Variants in TADA3 observed in about 807,000 individuals in gnomAD.
TADA3 encodes transcriptional adapter 3.
TADA3 carries 25 observed loss-of-function variants against 43.2 expected under a neutral mutation model. That is an observed-to-expected ratio of 0.58 (90% confidence interval 0.42 to 0.81). The LOEUF (loss-of-function observed/expected upper bound fraction) is 0.81, where lower values mean the gene tolerates loss of function less well. TADA3 is among the 30% of genes least tolerant of loss of function. The pLI, the probability that TADA3 is intolerant of heterozygous loss-of-function variation, is 0.00. For missense variants in TADA3, 441 were observed against 567.8 expected (o/e 0.78, Z 2.27); for synonymous variants, 235 against 225.5 (o/e 1.04, Z -0.38).
At chr3:9,781,282 A>AATAT (rs145898207) in intron 8 of TADA3, among the ~76,000 whole-genome samples, 1 of 150,798 alleles carries the variant, frequency 6.6e-6, no homozygotes, top group Non-Finnish European at 1.5e-5. Flanking sequence ...CTGTCTCTAA[A>AATAT]ATATATATAT....
rs111816913 is a variant in TADA3, at chr3:9,787,720, T to C, written c.565-380A>G. ...AATTTACTGCTGTCTGTATGAACTC[T>C]TTTTCAGATAAATTTTTAAGAAATC... On this transcript the variant is annotated intron_variant, in intron 4 of 8. Coordinates refer to ENST00000301964, the MANE Select transcript of TADA3 (RefSeq NM_006354.5). 12 of 1,303,076 alleles carry C rather than the reference T, an allele frequency of 9.2e-6. No individual in the cohort carries two copies. In the African/African-American group the frequency reaches 1.5e-4, roughly 16 times the overall value. 80.7% of individuals were successfully genotyped at this position (1,303,076 alleles called of 1,614,324 possible). A position where few individuals can be genotyped will look rare whatever the true frequency, so the allele number is the denominator to read the frequency against.
Position 9,780,224 on chromosome 3 carries a change from G to T in TADA3, c.*133C>A. The T allele has an allele frequency of 1.1e-6, 1 of 937,534 alleles. No homozygotes were observed. The highest frequency in any genetic ancestry group is 1.6e-6 in the Non-Finnish European group (1 of 637,932). 58.1% of individuals were successfully genotyped at this position (937,534 alleles called of 1,614,324 possible). On this transcript the variant is annotated 3_prime_UTR_variant, in exon 9 of 9. Transcript: ENST00000301964. ...GCTAGGCCAAAAGACCTCAGGGGAA[G>T]GGCCACGGCCCTCTAGAGACTGCCG... is the stretch of plus-strand genomic sequence containing the variant.
At chr3:9,792,547 G>A (rs1000833333), upstream of TADA3, 2 of 1,227,202 alleles carry the variant, frequency 1.6e-6, no homozygotes, top group Non-Finnish European at 2.0e-6. Flanking sequence ...GAGTTTGCCG[G>A]GGGTGGGAAG....
At chr3:9,792,111 T>A (rs2078751127) in intron 1 of TADA3, 105 bp downstream of exon 1, 1 of 152,336 alleles carries the variant, frequency 6.6e-6, no homozygotes, top group African/African-American at 2.4e-5. Flanking sequence ...TTTGACCTTT[T>A]TCAGTCTCAG....
In TADA3 at chr3:9,787,105, C is replaced by T; in HGVS notation, c.711G>A (p.Val237=). 5.6e-6 allele frequency: 9 copies of T among 1,614,216 alleles called. No individual in the cohort carries two copies. Among genetic ancestry groups the T allele is most frequent in the Non-Finnish European group, 7.6e-6 (9 of 1,180,036 alleles). ...GPLTELDTKD[V]DALLKKSEAQ... is the part of the protein sequence containing the mutation. ...CCTCAGACTTCTTCAGCAGGGCATC[C>T]ACATCTAAGCGGGCACAGGAAAGGA... The change falls in exon 6 of 9, where the codon GTG becomes GTA. Residue 237 remains valine (V), a synonymous_variant. Coordinates refer to ENST00000301964, the MANE Select transcript of TADA3 (RefSeq NM_006354.5).
chr3:9,782,944 C>T (rs1251116400), intron 8 of TADA3, among the ~76,000 whole-genome samples: 5 of 152,202 alleles, frequency 3.3e-5, no homozygotes, highest in Non-Finnish European at 7.3e-5. Context: ...CCACAGTCTT[C>T]CTCAAGATGT....
In TADA3 at chr3:9,780,006, T is replaced by G; in HGVS notation, c.*351A>C. The G allele has an allele frequency of 5.1e-6, 1 of 195,308 alleles. No individual in the cohort carries two copies. Among genetic ancestry groups the G allele is most frequent in the Non-Finnish European group, 1.0e-5 (1 of 96,650 alleles). The allele number at this position is 195,308 out of a possible 1,614,324, so 12.1% of individuals were successfully genotyped here. ...CACAGCAGTCACTTTATTCTTAAGT[T>G]TGCACTTTACAAAACCACAAGGGAG... On this transcript the variant is annotated 3_prime_UTR_variant, in exon 9 of 9. Transcript: ENST00000301964.
chr3:9,789,883 G>C lies in TADA3; in HGVS notation c.288C>G (p.Pro96=), dbSNP rs775072173. 13 of 1,614,152 alleles carry C rather than the reference G, an allele frequency of 8.1e-6. No homozygotes were observed. The highest frequency in any genetic ancestry group is 6.7e-5 in the Admixed American group (4 of 60,018). The change falls in exon 3 of 9, where the codon CCC becomes CCG. Residue 96 remains proline, a synonymous_variant. Transcript: ENST00000301964. ...TCTGCTTCTTGGGCTTCCCATGTTTGGGGGGAGCTCCAAGTTCATGGTCTC... is the reference window on the plus strand; with the variant it reads ...TCTGCTTCTTGGGCTTCCCATGTTTCGGGGGAGCTCCAAGTTCATGGTCTC... ...LGRDHELGAP[P]KHGKPKKQKL... is the part of the protein sequence containing the mutation.
intron 2 of TADA3, among the ~76,000 whole-genome samples, chr3:9,790,269 T>C (rs781229601): frequency 1.3e-4 from 20 of 152,244 alleles, no homozygotes; most frequent in Non-Finnish European, 2.9e-4. Context: ...AAACCTTCAC[T>C]TCGATGTCAC....
At chr3:9,792,909 C>T (rs1264598427), upstream of TADA3, 9 of 1,398,812 alleles carry the variant, frequency 6.4e-6, no homozygotes, top group African/African-American at 6.0e-5. Flanking sequence ...AATAGTGACT[C>T]GAGTGCAAGA....
At chr3:9,788,981 G>T (rs563431711) in intron 4 of TADA3, among the ~76,000 whole-genome samples, 1 of 151,988 alleles carries the variant, frequency 6.6e-6, no homozygotes, top group African/African-American at 2.4e-5. Context: ...GACTACAGGC[G>T]CACACCGCCA....
In TADA3 at chr3:9,780,288, C is replaced by T; in HGVS notation, c.*69G>A. On this transcript the variant is annotated 3_prime_UTR_variant, in exon 9 of 9. Transcript: ENST00000301964. ...AGCCACAGGCCAATGTTTCCTGTGC[C>T]CAAAGAAGGAAGTGGGCCTCCCTTC... 3.3e-6 allele frequency: 5 copies of T among 1,502,468 alleles called. No individual in the cohort carries two copies. The highest frequency in any genetic ancestry group is 4.5e-6 in the Non-Finnish European group (5 of 1,111,842). The allele number at this position is 1,502,468 out of a possible 1,614,324, so 93.1% of individuals were successfully genotyped here.
chr3:9,785,660 CAAT>C (rs1410547869), intron 6 of TADA3, among the ~76,000 whole-genome samples: 3 of 152,210 alleles, frequency 2.0e-5, no homozygotes, highest in East Asian at 3.9e-4. Context: ...GATTAACACT[CAAT>C]GATGGTAATG....
chr3:9,785,238 G>A (rs1224151678), intron 7 of TADA3, 78 bp downstream of exon 7: 4 of 1,170,868 alleles, frequency 3.4e-6, no homozygotes, highest in South Asian at 1.3e-5. Context: ...TACTGATGAG[G>A]ACTTCCCCAG....
At chr3:9,783,246 A>G (rs559048226) in intron 8 of TADA3, 1 of 152,364 alleles carries the variant, frequency 6.6e-6, no homozygotes, top group South Asian at 2.1e-4. Flanking sequence ...GACAAAAAAT[A>G]AATCACACAA....
intron 8 of TADA3, among the ~76,000 whole-genome samples, chr3:9,782,236 T>G (rs1034125782): frequency 6.6e-6 from 1 of 152,216 alleles, no homozygotes; most frequent in African/African-American, 2.4e-5. Context: ...TGTTTTCTTC[T>G]TCTCACCTTT....
chr3:9,787,031 T>C lies in TADA3; in HGVS notation c.785A>G (p.Gln262Arg), dbSNP rs746448466. ...EDGCPFGALTQRLLQALVEEN... is the reference protein window; with the variant it reads ...EDGCPFGALTRRLLQALVEEN... The stretch of plus-strand genomic sequence containing the variant: ...CTCCACCAGGGCCTGCAGGAGGCGC[T>C]GCGTCAGGGCACCAAAGGGGCATCC... The change falls in exon 6 of 9, where the codon CAG becomes CGG. Residue 262 changes from glutamine (Q) to arginine (R), a missense_variant. Physicochemically the swap from Gln to Arg is conservative, Grantham distance 43 (BLOSUM62 1). Coordinates refer to ENST00000301964, the MANE Select transcript of TADA3 (RefSeq NM_006354.5). 2 of 1,614,204 alleles carry C rather than the reference T, an allele frequency of 1.2e-6. No homozygotes were observed. The highest frequency in any genetic ancestry group is 1.3e-5 in the African/African-American group (1 of 75,054).
At position 9,784,312 on chromosome 3, in the gene TADA3, T is replaced by C. The variant is rs1007840249; in HGVS notation, c.921-99A>G. The C allele has an allele frequency of 1.1e-5, 16 of 1,449,722 alleles. No homozygotes were observed. The East Asian group carries it at 3.4e-4, about 31-fold the overall frequency. The allele number at this position is 1,449,722 out of a possible 1,614,324, so 89.8% of individuals were successfully genotyped here. On this transcript the variant is annotated intron_variant, in intron 7 of 8. Transcript: ENST00000301964. Reference sequence around the variant, plus strand: ...TTCCCAAGGTCAGTGAAAACCTGCCTTTCCCTTTGGGCACCCCCTCTGTAT... The same window carrying C: ...TTCCCAAGGTCAGTGAAAACCTGCCCTTCCCTTTGGGCACCCCCTCTGTAT...
At chr3:9,784,332 C>G in intron 7 of TADA3, 119 bp from the exon 8 acceptor site, 1 of 1,319,568 alleles carries the variant, frequency 7.6e-7, no homozygotes, top group Non-Finnish European at 1.0e-6. Flanking sequence ...GGCACCCCCT[C>G]TGTATCTATC....
Sources: gnomAD v4.1 joint callset for allele counts (sites outside exome capture counted in the v4.1 genomes callset) on GRCh38, gnomAD v4.1.1 for gene constraint, MANE v1.5 for transcripts, NCBI Gene and HGNC (gene_info 2026-07-23, HGNC 2026-07-21) for gene names.